The following CCNY variants were observed in gnomAD, a reference collection of about 807,000 sequenced individuals.
CCNY encodes cyclin Y.
CCNY carries 19 observed loss-of-function variants against 42.8 expected under a neutral mutation model. The ratio of observed to expected loss-of-function variants is 0.44; its 90% confidence interval spans 0.31 to 0.65. CCNY has a LOEUF of 0.65. Ranked by LOEUF, CCNY falls within the 30% of genes least tolerant of loss-of-function variation. The pLI is 0.07. For missense variants in CCNY, 370 were observed against 437.3 expected (o/e 0.85, Z 1.37); for synonymous variants, 165 against 162.7 (o/e 1.01, Z -0.11).
At chr10:35,368,485 T>C (rs188469726) in intron 1 of CCNY, among the ~76,000 whole-genome samples, 9 of 152,370 alleles carry the variant, frequency 5.9e-5, no homozygotes, top group Non-Finnish European at 1.0e-4. Flanking sequence ...ATTATTCTCA[T>C]GTATGTGGTA....
chr10:35,255,070 G>T (rs1470900945), intron 3 of CCNY, among the ~76,000 whole-genome samples: 1 of 151,930 alleles, frequency 6.6e-6, no homozygotes, highest in Non-Finnish European at 1.5e-5. Context: ...TTGTTGCTGG[G>T]TAGACTGTTC....
At chr10:35,439,520 TTCTC>T (rs928682974) in intron 1 of CCNY, among the ~76,000 whole-genome samples, 18 of 151,850 alleles carry the variant, frequency 1.2e-4, no homozygotes, top group East Asian at 7.7e-4. Context: ...TGCTGCCTCT[TTCTC>T]TCTCTCTCTC....
intron 1 of CCNY, among the ~76,000 whole-genome samples, chr10:35,452,892 A>G (rs571729240): frequency 8.3e-4 from 127 of 152,262 alleles, no homozygotes; most frequent in African/African-American, 2.9e-3. Context: ...GTCTAAAACC[A>G]CTGTCACCAA....
At chr10:35,294,212 T>C (rs918174835) in intron 3 of CCNY, among the ~76,000 whole-genome samples, 3 of 152,228 alleles carry the variant, frequency 2.0e-5, no homozygotes, top group Non-Finnish European at 4.4e-5. Flanking sequence ...CATTTGCTAA[T>C]AGAAATAATT....
intron 1 of CCNY, among the ~76,000 whole-genome samples, chr10:35,445,028 A>G (rs1177710917): frequency 6.6e-6 from 1 of 152,184 alleles, no homozygotes; most frequent in Non-Finnish European, 1.5e-5. Flanking sequence ...TGGTGCCATT[A>G]ACTCAGTTTG....
intron 7 of CCNY, among the ~76,000 whole-genome samples, chr10:35,536,666 A>C (rs1361945837): frequency 6.6e-6 from 1 of 152,180 alleles, no homozygotes; most frequent in East Asian, 1.9e-4. Context: ...ATGTTTTAGC[A>C]AAGAAACTGG....
chr10:35,393,783 G>A (rs938395723), intron 1 of CCNY, among the ~76,000 whole-genome samples: 3 of 152,180 alleles, frequency 2.0e-5, no homozygotes, highest in Non-Finnish European at 2.9e-5. Context: ...ATGGCTGTGT[G>A]TGGACTGTTA....
chr10:35,453,778 G>T (rs886081059), intron 1 of CCNY, among the ~76,000 whole-genome samples: 1 of 151,942 alleles, frequency 6.6e-6, no homozygotes, highest in Non-Finnish European at 1.5e-5. Context: ...AATATTTCTA[G>T]TAACCATATT....
chr10:35,316,648 C>A (rs1386511876), intron 3 of CCNY, among the ~76,000 whole-genome samples: 17 of 151,966 alleles, frequency 1.1e-4, no homozygotes, highest in Admixed American at 1.1e-3. Context: ...CTATGGATAT[C>A]CAGCCAAAAA....
At chr10:35,397,543 C>A (rs981342270) in intron 1 of CCNY, among the ~76,000 whole-genome samples, 1 of 151,984 alleles carries the variant, frequency 6.6e-6, no homozygotes, top group Non-Finnish European at 1.5e-5. Context: ...AGGAGGAATT[C>A]TAGGAGGTAG....
At chr10:35,290,863 A>G (rs1835405495) in intron 3 of CCNY, among the ~76,000 whole-genome samples, 1 of 152,132 alleles carries the variant, frequency 6.6e-6, no homozygotes, top group African/African-American at 2.4e-5. Context: ...AATAAATCCA[A>G]CACTTGAAAA....
Position 35,544,166 on chromosome 10 carries a change from T to C in CCNY, c.580-8853T>C, listed in dbSNP as rs572218273. 2.1e-4 allele frequency among the ~76,000 whole-genome samples: 32 copies of C among 152,324 alleles called. No individual in the cohort carries two copies. The South Asian group carries it at 5.8e-3, about 28-fold the overall frequency. ...ACAGCATTTATCAAGTCCACAGTAGTGTACAGTAATGCCCTAGGATTCACA... is the reference window on the plus strand; with the variant it reads ...ACAGCATTTATCAAGTCCACAGTAGCGTACAGTAATGCCCTAGGATTCACA... On this transcript the variant is annotated intron_variant, in intron 7 of 9. Coordinates refer to ENST00000374704, the MANE Select transcript of CCNY (RefSeq NM_145012.6).
chr10:35,528,924 G>A (rs1044491778), intron 5 of CCNY, among the ~76,000 whole-genome samples: 8 of 152,278 alleles, frequency 5.3e-5, no homozygotes, highest in Admixed American at 3.9e-4. Flanking sequence ...CACAGACTAT[G>A]GAAATTACAT....
chr10:35,476,899 TAAAG>T (rs1303779255), intron 1 of CCNY, among the ~76,000 whole-genome samples: 1 of 151,670 alleles, frequency 6.6e-6, no homozygotes, highest in East Asian at 1.9e-4. Flanking sequence ...GCAAGACTAA[TAAAG>T]AAGAAAAGAG....
intron 1 of CCNY, among the ~76,000 whole-genome samples, chr10:35,435,225 C>A (rs2135286060): frequency 6.6e-6 from 1 of 152,342 alleles, no homozygotes; most frequent in South Asian, 2.1e-4. Flanking sequence ...CCTATCTCTG[C>A]CAGGGCCTTC....
At chr10:35,261,262 G>A (rs2095719381) in intron 3 of CCNY, among the ~76,000 whole-genome samples, 1 of 145,032 alleles carries the variant, frequency 6.9e-6, no homozygotes, top group South Asian at 2.3e-4. Flanking sequence ...TTTTTTGAGA[G>A]GGAGTCTCTG....
At chr10:35,517,316 A>G (rs549847848) in intron 4 of CCNY, among the ~76,000 whole-genome samples, 18 of 152,318 alleles carry the variant, frequency 1.2e-4, no homozygotes, top group Admixed American at 3.3e-4. Flanking sequence ...TACCACTAGC[A>G]TTATGGTAAT....
intron 3 of CCNY, among the ~76,000 whole-genome samples, chr10:35,317,048 T>C (rs1296095425): frequency 6.6e-6 from 1 of 152,226 alleles, no homozygotes; most frequent in Non-Finnish European, 1.5e-5. Flanking sequence ...GGTTTCACCA[T>C]GTTGGCCAGG....
intron 3 of CCNY, among the ~76,000 whole-genome samples, chr10:35,291,560 C>A (rs1475392724): frequency 8.3e-6 from 1 of 120,506 alleles, no homozygotes; most frequent in Non-Finnish European, 1.6e-5. Flanking sequence ...GAGACAGAGT[C>A]TCACTCTGTA....
Sources: gnomAD v4.1 joint callset for allele counts (sites outside exome capture counted in the v4.1 genomes callset) on GRCh38, gnomAD v4.1.1 for gene constraint, MANE v1.5 for transcripts, NCBI Gene and HGNC (gene_info 2026-07-23, HGNC 2026-07-21) for gene names.